The following NUDT5 variants were observed in gnomAD, a reference collection of about 807,000 sequenced individuals.
The protein encoded by NUDT5 is nudix hydrolase 5, also known as ADP-sugar pyrophosphatase.
Under a neutral mutation model 34.1 loss-of-function variants are expected in NUDT5, and 21 were observed. That is an observed-to-expected ratio of 0.62 (90% CI 0.44 to 0.89). NUDT5 has a LOEUF of 0.89. Among genes scored for constraint, NUDT5 ranks in the 40% least tolerant of loss-of-function variants. The probability of loss-of-function intolerance (pLI) is 0.00; values close to 1 mark genes in which losing one functional copy is unlikely to be tolerated. For synonymous variants in NUDT5, 85 were observed against 97.6 expected (o/e 0.87, Z 0.76); for missense variants, 249 against 274.8 (o/e 0.91, Z 0.66).
intron 6 of NUDT5, 114 bp from the exon 7 acceptor site, chr10:12,172,980 A>G: frequency 1.4e-6 from 1 of 723,312 alleles, no homozygotes. Context: ...TGATGCGGGA[A>G]AACTAGTTCT....
intron 1 of NUDT5, among the ~76,000 whole-genome samples, chr10:12,192,127 G>C (rs1377338409): frequency 6.6e-6 from 1 of 152,132 alleles, no homozygotes; most frequent in African/African-American, 2.4e-5. Context: ...TGACAAAAGA[G>C]GGTCAGGCAC....
rs1288158798 is a variant in NUDT5 at position 12,185,577 on chromosome 10, C to G, written c.64-621G>C. Among the ~76,000 whole-genome samples the G allele has an allele frequency of 1.3e-5, 2 of 152,238 alleles. 1 individual carries two copies. The highest frequency in any genetic ancestry group is 3.9e-4 in the East Asian group (2 of 5,192). The stretch of plus-strand genomic sequence containing the variant: ...ATACTGAACTGAGAGGAAAGCGTCA[C>G]TGCGTATAAAGCAGTAGCCTTTCTC... On this transcript the variant is annotated intron_variant, in intron 2 of 9. Transcript: ENST00000491614.
intron 3 of NUDT5, chr10:12,184,391 G>C: frequency 1.0e-6 from 1 of 999,180 alleles, no homozygotes; most frequent in East Asian, 2.8e-5. Flanking sequence ...GGGATTACTC[G>C]GTCAAAGGGT....
In NUDT5 at chr10:12,181,592, T is replaced by C. The variant is rs1835041422; in HGVS notation, c.132-2460A>G. ...GGTCTCAGCCCTGTGTAGGGTGTTG[T>C]GGGGAACTGCTGCTGGGCATCCGGT... On this transcript the variant is annotated intron_variant, in intron 3 of 9. Coordinates refer to ENST00000491614, the MANE Select transcript of NUDT5 (RefSeq NM_014142.4). This position sits in a 1 kb window ranked among gnomAD's most constrained non-coding sequence, Gnocchi z 5.0. 6.6e-6 allele frequency among the ~76,000 whole-genome samples: 1 copy of C among 152,070 alleles called. No homozygotes were observed. Among genetic ancestry groups the C allele is most frequent in the African/African-American group, 2.4e-5 (1 of 41,390 alleles).
rs1277093896 is a variant in NUDT5, at chr10:12,187,297, A to G, written c.-41-965T>C. Among the ~76,000 whole-genome samples the G allele has an allele frequency of 6.6e-6, 1 of 152,130 alleles. No individual in the cohort carries two copies. The highest frequency in any genetic ancestry group is 1.5e-5 in the Non-Finnish European group (1 of 68,022). ...GATCCTCCTCCCGCCTCGGTGTCCC[A>G]AAGTGCTGGGATTACAGGCATGAGC... On this transcript the variant is annotated intron_variant, in intron 1 of 9. Coordinates refer to ENST00000491614, the MANE Select transcript of NUDT5 (RefSeq NM_014142.4). This position sits in a 1 kb window ranked among gnomAD's most constrained non-coding sequence, Gnocchi z 5.4.
At position 12,184,870 on chromosome 10, in the gene NUDT5, A is replaced by T; in HGVS notation, c.131+19T>A. On this transcript the variant is annotated intron_variant, in intron 3 of 9. Transcript: ENST00000491614. ...GAACCCAAATAACGAACATTTTGTAAGAAAAAAAAAAAGTTTACCTAGTTT... is the reference window on the plus strand; with the variant it reads ...GAACCCAAATAACGAACATTTTGTATGAAAAAAAAAAAGTTTACCTAGTTT... 2.1e-6 allele frequency: 3 copies of T among 1,440,694 alleles called. No homozygotes were observed. The highest frequency in any genetic ancestry group is 2.9e-6 in the Non-Finnish European group (3 of 1,036,780). The allele number at this position is 1,440,694 out of a possible 1,614,324, so 89.2% of individuals were successfully genotyped here. A position where few individuals can be genotyped will look rare whatever the true frequency, so the allele number is the denominator to read the frequency against.
At position 12,175,274 on chromosome 10, in the gene NUDT5, C is replaced by T. The variant is rs562118011; in HGVS notation, c.290-1461G>A. On this transcript the variant is annotated intron_variant, in intron 5 of 9. Coordinates refer to ENST00000491614, the MANE Select transcript of NUDT5 (RefSeq NM_014142.4). The surrounding 1 kb of genome is among the most constrained non-coding windows in gnomAD (Gnocchi z 4.8). ...GGCGGAGGTTGCAGTGAGCTGAAAT[C>T]GTGCCACTGCACTCTAGCTTGGGCA... is the stretch of plus-strand genomic sequence containing the variant. 8.6e-5 allele frequency among the ~76,000 whole-genome samples: 13 copies of T among 151,966 alleles called. No individual in the cohort carries two copies. The highest frequency in any genetic ancestry group is 1.9e-4 in the East Asian group (1 of 5,158).
Position 12,170,568 on chromosome 10 carries a change from G to A in NUDT5, c.550+149C>T. The A allele has an allele frequency of 1.3e-6, 1 of 776,292 alleles. No individual in the cohort carries two copies. The highest frequency in any genetic ancestry group is 1.6e-5 in the South Asian group (1 of 60,922). The allele number at this position is 776,292 out of a possible 1,614,324, so 48.1% of individuals were successfully genotyped here. ...TGCCACCCAGAAAGGAAAATTAGTA[G>A]TGGTCACCTGCAGTTTTACAAGTTG... On this transcript the variant is annotated intron_variant, in intron 9 of 9. Coordinates refer to ENST00000491614, the MANE Select transcript of NUDT5 (RefSeq NM_014142.4). This position sits in a 1 kb window ranked among gnomAD's most constrained non-coding sequence, Gnocchi z 4.9.
At chr10:12,189,842 A>G (rs887647850) in intron 1 of NUDT5, among the ~76,000 whole-genome samples, 3 of 152,332 alleles carry the variant, frequency 2.0e-5, no homozygotes, top group East Asian at 3.9e-4. Context: ...CATATTGCCA[A>G]TATGTGTATG....
At position 12,189,815 on chromosome 10, in the gene NUDT5, G is replaced by A. The variant is rs189351661; in HGVS notation, c.-41-3483C>T. On this transcript the variant is annotated intron_variant, in intron 1 of 9. Transcript: ENST00000491614. ...TAAATTTTATCCACTTCATTAGTTA[G>A]AATTTAAGGTAATTTGCATATTGCC... Among the ~76,000 whole-genome samples, 153 of 151,990 alleles carry A rather than the reference G, an allele frequency of 1.0e-3. 1 individual carries two copies. Among genetic ancestry groups the A allele is most frequent in the Middle Eastern group, 3.4e-3 (1 of 290 alleles).
chr10:12,180,330 T>C (rs1337294622), intron 3 of NUDT5: 1 of 152,178 alleles, frequency 6.6e-6, no homozygotes, highest in Admixed American at 6.6e-5. Flanking sequence ...TTCCTGTTAG[T>C]AGCAAGGAGC....
At chr10:12,183,655 G>A (rs1482795776) in intron 3 of NUDT5, among the ~76,000 whole-genome samples, 2 of 152,074 alleles carry the variant, frequency 1.3e-5, no homozygotes, top group African/African-American at 4.8e-5. Flanking sequence ...AATTTTCATA[G>A]TATTTTCTTC....
rs1391710595 is a variant in NUDT5, at chr10:12,175,242, C to T, written c.290-1429G>A. Among the ~76,000 whole-genome samples the T allele has an allele frequency of 1.3e-5, 2 of 152,134 alleles. No individual in the cohort carries two copies. The highest frequency in any genetic ancestry group is 6.6e-5 in the Admixed American group (1 of 15,264). On this transcript the variant is annotated intron_variant, in intron 5 of 9. Coordinates refer to ENST00000491614, the MANE Select transcript of NUDT5 (RefSeq NM_014142.4). The surrounding 1 kb of genome is among the most constrained non-coding windows in gnomAD (Gnocchi z 4.8). Reference sequence around the variant, plus strand: ...GGCTGAGGCAGGAGAATCGCTTGACCCTGTTAGGCGGAGGTTGCAGTGAGC... The same window carrying T: ...GGCTGAGGCAGGAGAATCGCTTGACTCTGTTAGGCGGAGGTTGCAGTGAGC...
rs775119928 is a variant in NUDT5 at position 12,170,205 on chromosome 10, G to A, written c.550+512C>T. The A allele has an allele frequency of 6.2e-6, 10 of 1,611,346 alleles. No homozygotes were observed. Among genetic ancestry groups the A allele is most frequent in the Non-Finnish European group, 8.5e-6 (10 of 1,178,638 alleles). On this transcript the variant is annotated intron_variant, in intron 9 of 9. Coordinates refer to ENST00000491614, the MANE Select transcript of NUDT5 (RefSeq NM_014142.4). This position sits in a 1 kb window ranked among gnomAD's most constrained non-coding sequence, Gnocchi z 4.9. ...TATACAATGCATCTACATGACCAGT[G>A]ATTTCTAAGGGCCACACAGCTGGTT... is the stretch of plus-strand genomic sequence containing the variant.
At chr10:12,188,009 G>T (rs1835156886) in intron 1 of NUDT5, among the ~76,000 whole-genome samples, 1 of 151,924 alleles carries the variant, frequency 6.6e-6, no homozygotes, top group Admixed American at 6.6e-5. Flanking sequence ...TGTGGTGGTG[G>T]GCACCTGTAG....
At chr10:12,179,206 C>A in intron 3 of NUDT5, 74 bp from the exon 4 acceptor site, 1 of 1,261,018 alleles carries the variant, frequency 7.9e-7, no homozygotes, top group Non-Finnish European at 1.1e-6. Flanking sequence ...TCTGTACAAC[C>A]AGAACTTCTT....
intron 6 of NUDT5, 123 bp from the exon 7 acceptor site, chr10:12,172,989 C>G (rs1334958912): frequency 2.9e-6 from 2 of 684,146 alleles, no homozygotes; most frequent in Admixed American, 5.2e-5. Flanking sequence ...AAAACTAGTT[C>G]TCACATTTGG....
chr10:12,165,432 GT>G lies in NUDT5; in HGVS notation c.*2269del. The G allele has an allele frequency of 1.1e-6, 1 of 890,912 alleles. No homozygotes were observed. The highest frequency in any genetic ancestry group is 1.3e-6 in the Non-Finnish European group (1 of 744,118). The allele number at this position is 890,912 out of a possible 1,614,324, so 55.2% of individuals were successfully genotyped here. On this transcript the variant is annotated 3_prime_UTR_variant, in exon 10 of 10. Coordinates refer to ENST00000491614, the MANE Select transcript of NUDT5 (RefSeq NM_014142.4). ...ACGTTTTCTAAGATCATTTGTATAG[GT>G]TCAGTGTATTCATAAGAAGTCCACC...
At chr10:12,193,992 T>G (rs1330620577) in intron 1 of NUDT5, among the ~76,000 whole-genome samples, 2 of 152,100 alleles carry the variant, frequency 1.3e-5, no homozygotes, top group East Asian at 3.9e-4. Context: ...TTCTCCTGCC[T>G]CAGCCTCCCG....
Sources: allele counts gnomAD v4.1 joint callset (sites outside exome capture counted in the v4.1 genomes callset), GRCh38; gene constraint gnomAD v4.1.1; non-coding constraint Gnocchi (gnomAD v3.1); transcripts MANE v1.5; gene names NCBI Gene and HGNC (gene_info 2026-07-23, HGNC 2026-07-21).